The following SP100 variants were observed in gnomAD, a reference collection of about 807,000 sequenced individuals.
SP100 encodes nuclear autoantigen Sp-100.
Under a neutral mutation model 130.0 loss-of-function variants are expected in SP100, and 84 were observed. That is an observed-to-expected ratio of 0.65 (90% CI 0.54 to 0.77). SP100 has a LOEUF of 0.77. Ranked by LOEUF, SP100 falls within the 30% of genes least tolerant of loss-of-function variation. SP100 has a pLI of 0.00. For missense variants in SP100, 978 were observed against 1,052.2 expected (o/e 0.93, Z 0.97); for synonymous variants, 331 against 351.7 (o/e 0.94, Z 0.66).
At chr2:230,491,029 G>A (rs561793486) in intron 17 of SP100, among the ~76,000 whole-genome samples, 1 of 152,286 alleles carries the variant, frequency 6.6e-6, no homozygotes, top group African/African-American at 2.4e-5. Context: ...TGCCTTGCTA[G>A]GTTGGGGAAG....
intron 24 of SP100, chr2:230,515,721 A>C: frequency 6.6e-7 from 1 of 1,524,482 alleles, no homozygotes; most frequent in East Asian, 2.2e-5. Flanking sequence ...AAAGAAAAAA[A>C]CTTCAACGTA....
At chr2:230,450,862 A>G (rs1234186573) in intron 8 of SP100, among the ~76,000 whole-genome samples, 1 of 151,984 alleles carries the variant, frequency 6.6e-6, no homozygotes, top group South Asian at 2.1e-4. Context: ...TTGTGTATAT[A>G]TTTTCTTTAT....
chr2:230,481,464 T>A (rs1018945967), intron 17 of SP100, among the ~76,000 whole-genome samples: 1 of 152,188 alleles, frequency 6.6e-6, no homozygotes, highest in Non-Finnish European at 1.5e-5. Context: ...CTCTCTATCA[T>A]CAAGTTCCAA....
At chr2:230,501,319 G>C (rs1017093153) in intron 19 of SP100, among the ~76,000 whole-genome samples, 2 of 152,102 alleles carry the variant, frequency 1.3e-5, no homozygotes, top group East Asian at 1.9e-4. Context: ...TTTTATATGG[G>C]TTTAGTCATC....
intron 8 of SP100, among the ~76,000 whole-genome samples, chr2:230,456,275 T>C (rs1290457533): frequency 6.6e-6 from 1 of 152,248 alleles, no homozygotes; most frequent in African/African-American, 2.4e-5. Flanking sequence ...AAAAGTCCAC[T>C]GTTGTCCTTA....
In SP100 at chr2:230,513,635, C is replaced by T. The variant is rs1690743012; in HGVS notation, c.2094+2469C>T. ...GCTTATTCCAGGAGGTCATGTCCCT[C>T]GGTGGGGGAAAAAAACCTTGTTATT... On this transcript the variant is annotated intron_variant, in intron 24 of 28. Transcript: ENST00000340126. Among the ~76,000 whole-genome samples, 10 of 152,132 alleles carry T rather than the reference C, an allele frequency of 6.6e-5. 1 individual carries two copies. In the South Asian group the frequency reaches 2.1e-3, roughly 32 times the overall value.
intron 5 of SP100, among the ~76,000 whole-genome samples, chr2:230,448,143 A>C (rs2063790838): frequency 6.6e-6 from 1 of 152,138 alleles, no homozygotes; most frequent in Non-Finnish European, 1.5e-5. Flanking sequence ...AGAGGGGACA[A>C]ATTTAAATGT....
At chr2:230,512,936 G>A (rs962933765) in intron 24 of SP100, among the ~76,000 whole-genome samples, 1 of 152,134 alleles carries the variant, frequency 6.6e-6, no homozygotes, top group African/African-American at 2.4e-5. Context: ...CCTCGCATGT[G>A]GAATTTACAA....
intron 27 of SP100, 75 bp downstream of exon 27, chr2:230,541,447 GC>G: frequency 7.7e-7 from 1 of 1,296,576 alleles, no homozygotes; most frequent in Non-Finnish European, 1.1e-6. Flanking sequence ...GGCACAAGGT[GC>G]CATTCTATTT....
chr2:230,515,206 G>A (rs753320819), intron 24 of SP100: 2 of 1,613,648 alleles, frequency 1.2e-6, no homozygotes, highest in East Asian at 4.5e-5. Context: ...AAAATTTGAA[G>A]ATATGGCAAA....
intron 11 of SP100, 95 bp downstream of exon 11, chr2:230,464,245 C>T (rs2064818521): frequency 1.3e-6 from 1 of 748,154 alleles, no homozygotes; most frequent in African/African-American, 1.8e-5. Flanking sequence ...TGAGTGGTCT[C>T]CTTATGCCTT....
intron 17 of SP100, among the ~76,000 whole-genome samples, chr2:230,477,926 C>A (rs1261867792): frequency 2.2e-5 from 3 of 139,512 alleles, no homozygotes; most frequent in Non-Finnish European, 3.1e-5. Flanking sequence ...CAGAACAAGA[C>A]CCTGTCTCAA....
chr2:230,467,180 C>T lies in SP100; in HGVS notation c.1256C>T (p.Ser419Leu), dbSNP rs1203437132. 5.0e-6 allele frequency: 8 copies of T among 1,613,930 alleles called. No individual in the cohort carries two copies. Among genetic ancestry groups the T allele is most frequent in the South Asian group, 2.2e-5 (2 of 91,078 alleles). The part of the protein sequence containing the change: ...SSEEEAPAEA[S>L]SGALRSKHGE... ...GAGGAGGAGGCGCCCGCAGAAGCCT[C>T]GAGCGGGGCACTGAGAAGCAAGCAT... is the stretch of plus-strand genomic sequence containing the variant. Residue 419 changes from serine (S) to leucine (L), a missense_variant, in exon 13 of 29, where the codon TCG becomes TTG. Coordinates refer to ENST00000340126, the MANE Select transcript of SP100 (RefSeq NM_001080391.2).
chr2:230,531,622 A>C (rs2150108804), intron 24 of SP100, among the ~76,000 whole-genome samples: 1 of 152,364 alleles, frequency 6.6e-6, no homozygotes, highest in Admixed American at 6.5e-5. Flanking sequence ...TTTTTAATAT[A>C]ATTAAGCATG....
chr2:230,455,224 A>G (rs1272419037), intron 8 of SP100, among the ~76,000 whole-genome samples: 1 of 151,952 alleles, frequency 6.6e-6, no homozygotes, highest in Non-Finnish European at 1.5e-5. Flanking sequence ...ATCACATCTG[A>G]CTAATTTTTT....
At chr2:230,462,311 C>T (rs1292111810) in intron 9 of SP100, 124 bp from the exon 10 acceptor site, 1 of 685,600 alleles carries the variant, frequency 1.5e-6, no homozygotes, top group Admixed American at 2.5e-5. Flanking sequence ...TCAAGGAACA[C>T]CCCAGGGTCT....
Position 230,462,521 on chromosome 2 carries a change from A to C in SP100, c.1057+3A>C. 1.2e-6 allele frequency: 2 copies of C among 1,611,158 alleles called. No homozygotes were observed. The highest frequency in any genetic ancestry group is 2.2e-5 in the East Asian group (1 of 44,814). On this transcript the variant is annotated splice_donor_region_variant and intron_variant, in intron 10 of 28. Coordinates refer to ENST00000340126, the MANE Select transcript of SP100 (RefSeq NM_001080391.2). ...CTCAGCACCGAGAAGTGAGCCTGGT[A>C]AGGAAGTTTGGGAGAGCAAGGCTTG...
At chr2:230,452,305 G>C (rs142026330) in intron 8 of SP100, among the ~76,000 whole-genome samples, 155 of 152,092 alleles carry the variant, frequency 1.0e-3, no homozygotes, top group African/African-American at 3.3e-3. Flanking sequence ...AGCCTCCTGA[G>C]TAGCTGGGAT....
intron 8 of SP100, among the ~76,000 whole-genome samples, chr2:230,452,242 A>G (rs183928277): frequency 6.6e-6 from 1 of 151,846 alleles, no homozygotes; most frequent in East Asian, 1.9e-4. Context: ...TAATGGTGCA[A>G]TCTCAGCTCA....
Sources: allele counts gnomAD v4.1 joint callset (sites outside exome capture counted in the v4.1 genomes callset), GRCh38; gene constraint gnomAD v4.1.1; transcripts MANE v1.5; gene names NCBI Gene and HGNC (gene_info 2026-07-23, HGNC 2026-07-21).